The following GRM8 variants were observed in gnomAD, a reference collection of about 807,000 sequenced individuals.
The protein encoded by GRM8 is metabotropic glutamate receptor 8.
Under a neutral mutation model 87.2 loss-of-function variants are expected in GRM8, and 47 were observed. That is an observed-to-expected ratio of 0.54 (90% confidence interval 0.43 to 0.69). The LOEUF (loss-of-function observed/expected upper bound fraction) is 0.69. Among genes scored for constraint, GRM8 ranks in the 30% least tolerant of loss-of-function variants. GRM8 has a pLI of 0.00. For synonymous variants in GRM8, 396 were observed against 404.5 expected, an observed-to-expected ratio of 0.98 and a Z score of 0.25; for missense variants, 1,019 against 1,139.2, an observed-to-expected ratio of 0.89 and a Z score of 1.52.
At chr7:127,109,245 A>T (rs1223179799) in intron 2 of GRM8, among the ~76,000 whole-genome samples, 1 of 152,180 alleles carries the variant, frequency 6.6e-6, no homozygotes, top group Non-Finnish European at 1.5e-5. Context: ...CGGAGGAAAA[A>T]AATGAAAGGA....
chr7:126,470,617 T>C (rs1805072171), intron 9 of GRM8, among the ~76,000 whole-genome samples: 1 of 152,066 alleles, frequency 6.6e-6, no homozygotes, highest in African/African-American at 2.4e-5. Flanking sequence ...TGCTTCCAAG[T>C]CTTTGCTATT....
At chr7:126,492,097 C>T (rs2150645116) in intron 9 of GRM8, among the ~76,000 whole-genome samples, 1 of 152,100 alleles carries the variant, frequency 6.6e-6, no homozygotes, top group South Asian at 2.1e-4. Context: ...CAGTCTGTCA[C>T]CTAGGCTGGA....
chr7:126,752,904 T>A (rs1033555846), intron 7 of GRM8, among the ~76,000 whole-genome samples: 4 of 152,110 alleles, frequency 2.6e-5, no homozygotes, highest in African/African-American at 9.7e-5. Flanking sequence ...GGAAATACTT[T>A]ACATTTTGTA....
intron 3 of GRM8, among the ~76,000 whole-genome samples, chr7:127,060,247 A>G (rs1586884696): frequency 6.6e-6 from 1 of 152,136 alleles, no homozygotes; most frequent in Non-Finnish European, 1.5e-5. Flanking sequence ...AATTATTTAA[A>G]CTTGATAAAA....
intron 9 of GRM8, 85 bp downstream of exon 9, chr7:126,532,867 T>C (rs977707904): frequency 5.7e-5 from 40 of 701,152 alleles, no homozygotes; most frequent in Non-Finnish European, 7.0e-5. Flanking sequence ...AGAATATAAG[T>C]GAACCAAATA....
intron 6 of GRM8, among the ~76,000 whole-genome samples, chr7:126,852,775 C>T (rs1797329246): frequency 6.0e-5 from 9 of 151,018 alleles, no homozygotes; most frequent in Admixed American, 5.9e-4. Context: ...GTGTTATATA[C>T]TTTCATATAT....
intron 9 of GRM8, among the ~76,000 whole-genome samples, chr7:126,475,764 A>G (rs1805827210): frequency 6.6e-6 from 1 of 152,192 alleles, no homozygotes; most frequent in Non-Finnish European, 1.5e-5. Context: ...AAATAAAAAC[A>G]GACTTATAGA....
intron 9 of GRM8, among the ~76,000 whole-genome samples, chr7:126,528,871 C>T (rs931210220): frequency 3.9e-5 from 6 of 152,110 alleles, no homozygotes; most frequent in African/African-American, 1.2e-4. Context: ...GGATTTGAAC[C>T]CAAGATTTCA....
At chr7:126,791,912 CT>C (rs1353338541) in intron 6 of GRM8, among the ~76,000 whole-genome samples, 2 of 152,196 alleles carry the variant, frequency 1.3e-5, no homozygotes, top group Non-Finnish European at 2.9e-5. Context: ...CACCTGAGCA[CT>C]CTGTGTTCCT....
At chr7:127,229,401 G>C (rs960024553) in intron 2 of GRM8, 1 of 152,072 alleles carries the variant, frequency 6.6e-6, no homozygotes, top group Middle Eastern at 3.2e-3. Context: ...TTTTCAGCAA[G>C]GTTTTACCTG....
At chr7:126,705,549 T>C (rs527465017) in intron 7 of GRM8, among the ~76,000 whole-genome samples, 3 of 152,304 alleles carry the variant, frequency 2.0e-5, no homozygotes, top group East Asian at 3.9e-4. Flanking sequence ...TGTGTGTACA[T>C]ATATTTGTGC....
chr7:126,482,323 G>C (rs1806784115), intron 9 of GRM8, among the ~76,000 whole-genome samples: 1 of 151,986 alleles, frequency 6.6e-6, no homozygotes, highest in Non-Finnish European at 1.5e-5. Flanking sequence ...AGTATTGAAA[G>C]CAGGGTCTTG....
intron 3 of GRM8, among the ~76,000 whole-genome samples, chr7:127,039,454 G>A (rs1586823748): frequency 6.6e-6 from 1 of 151,942 alleles, no homozygotes; most frequent in African/African-American, 2.4e-5. Context: ...TTGGGAAAAC[G>A]AATTTCTGTT....
chr7:126,508,891 T>C (rs908591751), intron 9 of GRM8, among the ~76,000 whole-genome samples: 1 of 152,102 alleles, frequency 6.6e-6, no homozygotes, highest in Non-Finnish European at 1.5e-5. Context: ...GTACTGTTAG[T>C]AGATCCATGT....
At chr7:126,959,439 G>C (rs1586598899) in intron 3 of GRM8, among the ~76,000 whole-genome samples, 1 of 152,166 alleles carries the variant, frequency 6.6e-6, no homozygotes, top group Non-Finnish European at 1.5e-5. Context: ...ATTTTTGATT[G>C]CTTATTTGAG....
intron 9 of GRM8, among the ~76,000 whole-genome samples, chr7:126,497,835 G>A (rs188170218): frequency 5.9e-5 from 9 of 152,002 alleles, no homozygotes; most frequent in African/African-American, 2.2e-4. Flanking sequence ...TAAAACGGAG[G>A]GAGAAATGGG....
At chr7:126,818,135 G>A (rs1453765644) in intron 6 of GRM8, among the ~76,000 whole-genome samples, 2 of 151,856 alleles carry the variant, frequency 1.3e-5, no homozygotes, top group African/African-American at 4.8e-5. Context: ...GATGGTAAAG[G>A]AAAAGGAATC....
intron 2 of GRM8, among the ~76,000 whole-genome samples, chr7:127,187,087 C>T (rs1794778032): frequency 6.6e-6 from 1 of 152,210 alleles, no homozygotes; most frequent in Non-Finnish European, 1.5e-5. Flanking sequence ...ACCTTCAATG[C>T]ATCCATCTCC....
intron 3 of GRM8, among the ~76,000 whole-genome samples, chr7:127,022,188 T>C (rs375610500): frequency 6.6e-6 from 1 of 151,352 alleles, no homozygotes; most frequent in Non-Finnish European, 1.5e-5. Flanking sequence ...TTTTTTCCAA[T>C]ACAAATTTTA....
Sources: allele counts gnomAD v4.1 joint callset (sites outside exome capture counted in the v4.1 genomes callset), GRCh38; gene constraint gnomAD v4.1.1; transcripts MANE v1.5; gene names NCBI Gene and HGNC (gene_info 2026-07-23, HGNC 2026-07-21).